The following XKR4 variants were observed in gnomAD, a reference collection of about 807,000 sequenced individuals.
XKR4 encodes XK-related protein 4.
A neutral mutation model predicts 53.9 loss-of-function variants in XKR4; 12 were observed. The ratio of observed to expected loss-of-function variants is 0.22; its 90% CI spans 0.14 to 0.36. XKR4 has a LOEUF of 0.36. Among genes scored for constraint, XKR4 ranks in the 10% least tolerant of loss-of-function variants. XKR4 has a pLI of 1.00. For synonymous variants in XKR4, 354 were observed against 362.4 expected (o/e 0.98, Z 0.26); for missense variants, 799 against 859.5 (o/e 0.93, Z 0.88).
At chr8:55,173,765 T>G (rs564509291) in intron 1 of XKR4, among the ~76,000 whole-genome samples, 5 of 152,206 alleles carry the variant, frequency 3.3e-5, no homozygotes, top group Non-Finnish European at 5.9e-5. Flanking sequence ...TACACTGCAT[T>G]TCTTACTTAT....
At chr8:55,392,481 A>T (rs535173082) in intron 2 of XKR4, among the ~76,000 whole-genome samples, 1 of 152,372 alleles carries the variant, frequency 6.6e-6, no homozygotes, top group African/African-American at 2.4e-5. Flanking sequence ...TAAAAAGTAC[A>T]TTCGAGTTAC....
intron 1 of XKR4, among the ~76,000 whole-genome samples, chr8:55,330,393 G>C (rs141888684): frequency 6.6e-6 from 1 of 151,986 alleles, no homozygotes; most frequent in African/African-American, 2.4e-5. Context: ...TGGATTAAAT[G>C]AAAAAATGCC....
At chr8:55,309,980 G>A (rs976799361) in intron 1 of XKR4, among the ~76,000 whole-genome samples, 2 of 152,114 alleles carry the variant, frequency 1.3e-5, no homozygotes, top group African/African-American at 4.8e-5. Context: ...ACCTATTTAT[G>A]AGGATCCTTA....
chr8:55,392,571 G>C (rs1804458281), intron 2 of XKR4, among the ~76,000 whole-genome samples: 2 of 152,136 alleles, frequency 1.3e-5, no homozygotes, highest in Non-Finnish European at 2.9e-5. Context: ...CGGGTAGATT[G>C]CTTGAGGCTA....
In XKR4 at chr8:55,306,871, A is replaced by G. The variant is rs547905329; in HGVS notation, c.807-50807A>G. On this transcript the variant is annotated intron_variant, in intron 1 of 2. Transcript: ENST00000327381. The stretch of plus-strand genomic sequence containing the variant: ...GCAATTGGTGGTAAGATGGATTTCC[A>G]TATGCAAAATCCAAATTCTCTTGAA... Among the ~76,000 whole-genome samples, 5 of 152,234 alleles carry G rather than the reference A, an allele frequency of 3.3e-5. No homozygotes were observed. In the East Asian group the frequency reaches 7.7e-4, roughly 24 times the overall value.
At chr8:55,262,723 G>T (rs1818544640) in intron 1 of XKR4, among the ~76,000 whole-genome samples, 1 of 152,222 alleles carries the variant, frequency 6.6e-6, no homozygotes, top group Non-Finnish European at 1.5e-5. Flanking sequence ...CACACACCCT[G>T]TGGTGCTTTA....
At chr8:55,485,784 G>A (rs1249169035) in intron 2 of XKR4, among the ~76,000 whole-genome samples, 2 of 152,076 alleles carry the variant, frequency 1.3e-5, no homozygotes, top group Non-Finnish European at 2.9e-5. Context: ...TTGCCCACTG[G>A]GGCACAGGAA....
chr8:55,250,510 G>A (rs1248850945), intron 1 of XKR4, among the ~76,000 whole-genome samples: 1 of 152,204 alleles, frequency 6.6e-6, no homozygotes, highest in Non-Finnish European at 1.5e-5. Flanking sequence ...GGAGCTGGCT[G>A]TGTTCCCTAA....
chr8:55,240,666 C>G (rs1353875836), intron 1 of XKR4, among the ~76,000 whole-genome samples: 1 of 152,080 alleles, frequency 6.6e-6, no homozygotes, highest in African/African-American at 2.4e-5. Flanking sequence ...GATTCCAGGG[C>G]ACACAGGCAA....
chr8:55,126,947 C>T (rs1384119819), intron 1 of XKR4, among the ~76,000 whole-genome samples: 1 of 152,130 alleles, frequency 6.6e-6, no homozygotes, highest in Non-Finnish European at 1.5e-5. Flanking sequence ...TTTTATAAAA[C>T]AAAGAGAGTT....
chr8:55,516,088 C>G (rs1365901061), intron 2 of XKR4, among the ~76,000 whole-genome samples: 2 of 152,222 alleles, frequency 1.3e-5, no homozygotes, highest in Non-Finnish European at 1.5e-5. Context: ...ATACTTGCCT[C>G]AAAGTGTTCT....
At chr8:55,445,139 G>A (rs1805325937) in intron 2 of XKR4, among the ~76,000 whole-genome samples, 1 of 152,062 alleles carries the variant, frequency 6.6e-6, no homozygotes, top group Admixed American at 6.5e-5. Context: ...CTCACTGCAA[G>A]CTCCGCCTCC....
intron 1 of XKR4, among the ~76,000 whole-genome samples, chr8:55,283,059 G>A (rs1025713971): frequency 1.3e-5 from 2 of 152,142 alleles, no homozygotes; most frequent in Non-Finnish European, 1.5e-5. Flanking sequence ...GTACAGGTGT[G>A]TAGCCTAGGA....
intron 2 of XKR4, among the ~76,000 whole-genome samples, chr8:55,432,060 T>C (rs1026858693): frequency 2.0e-5 from 3 of 152,230 alleles, no homozygotes; most frequent in African/African-American, 7.2e-5. Flanking sequence ...TTATAGCATT[T>C]AGCTCTTTCT....
chr8:55,464,793 G>A (rs200927029), intron 2 of XKR4, among the ~76,000 whole-genome samples: 15 of 152,070 alleles, frequency 9.9e-5, no homozygotes, highest in South Asian at 2.1e-4. Flanking sequence ...CAAAGTCTCA[G>A]GATACAAAAT....
rs1432471909 is a variant in XKR4 at position 55,541,306 on chromosome 8, T to C, written c.*17079T>C. 6.6e-6 allele frequency: 1 copy of C among 152,206 alleles called. No individual in the cohort carries two copies. The highest frequency in any genetic ancestry group is 1.5e-5 in the Non-Finnish European group (1 of 68,026). 9.4% of individuals were successfully genotyped at this position (152,206 alleles called of 1,614,324 possible). A position where few individuals can be genotyped will look rare whatever the true frequency, so the allele number is the denominator to read the frequency against. On this transcript the variant is annotated 3_prime_UTR_variant, in exon 3 of 3. Coordinates refer to ENST00000327381, the MANE Select transcript of XKR4 (RefSeq NM_052898.2). ...TTTCTAAGGTTGGTTTTGGGTAAAA[T>C]CCTCATTTCCACTCAACATCAAGAT...
intron 1 of XKR4, among the ~76,000 whole-genome samples, chr8:55,165,676 G>A (rs1489865412): frequency 1.3e-5 from 2 of 151,776 alleles, no homozygotes; most frequent in Admixed American, 6.6e-5. Flanking sequence ...GTGGTGGCGG[G>A]TGCCTGTAGT....
chr8:55,220,148 A>G (rs1252364806), intron 1 of XKR4, among the ~76,000 whole-genome samples: 1 of 152,200 alleles, frequency 6.6e-6, no homozygotes, highest in African/African-American at 2.4e-5. Flanking sequence ...TAATGTATGC[A>G]TAGATAAAAA....
At chr8:55,230,063 A>G (rs561705221) in intron 1 of XKR4, among the ~76,000 whole-genome samples, 41 of 152,040 alleles carry the variant, frequency 2.7e-4, no homozygotes, top group Non-Finnish European at 4.9e-4. Flanking sequence ...TTTTCTAAGC[A>G]CACTTCCTGA....
Sources: gnomAD v4.1 joint callset for allele counts (sites outside exome capture counted in the v4.1 genomes callset) on GRCh38, gnomAD v4.1.1 for gene constraint, MANE v1.5 for transcripts, NCBI Gene and HGNC (gene_info 2026-07-23, HGNC 2026-07-21) for gene names.